SUV39H2: variants seen among roughly 807,000 people sequenced by gnomAD.
SUV39H2 encodes SUV39H2 histone lysine methyltransferase, also known as histone-lysine N-methyltransferase SUV39H2.
SUV39H2 carries 10 observed loss-of-function variants against 47.5 expected under a neutral mutation model. That is an observed-to-expected ratio of 0.21 (90% CI 0.13 to 0.36). SUV39H2 has a LOEUF of 0.36. Ranked by LOEUF, SUV39H2 falls within the 10% of genes least tolerant of loss-of-function variation. The probability of loss-of-function intolerance (pLI) is 1.00; values close to 1 mark genes in which losing one functional copy is unlikely to be tolerated. For missense variants in SUV39H2, 266 were observed against 487.4 expected (o/e 0.55, Z 4.28); for synonymous variants, 159 against 166.8 (o/e 0.95, Z 0.36).
chr10:14,887,363 TG>T (rs1456136654), intron 2 of SUV39H2, among the ~76,000 whole-genome samples: 1 of 152,166 alleles, frequency 6.6e-6, no homozygotes, highest in Non-Finnish European at 1.5e-5. Flanking sequence ...TGGGCAGTGG[TG>T]TAGACAGTAT....
intron 4 of SUV39H2, among the ~76,000 whole-genome samples, 176 bp downstream of exon 4, chr10:14,899,861 T>G (rs1833873832): frequency 6.6e-6 from 1 of 152,234 alleles, no homozygotes; most frequent in African/African-American, 2.4e-5. Context: ...TTAGGAAAAT[T>G]AAACATTGAG....
chr10:14,888,255 G>A (rs988833870), intron 2 of SUV39H2, among the ~76,000 whole-genome samples: 1 of 152,192 alleles, frequency 6.6e-6, no homozygotes, highest in East Asian at 1.9e-4. Context: ...AACAAGGATT[G>A]AGGATGAGCC....
intron 2 of SUV39H2, among the ~76,000 whole-genome samples, chr10:14,886,759 C>T (rs1271018434): frequency 6.6e-6 from 1 of 152,246 alleles, no homozygotes; most frequent in Non-Finnish European, 1.5e-5. Flanking sequence ...AAAGAACTCA[C>T]AGCCTAGTGA....
intron 3 of SUV39H2, chr10:14,899,255 G>T (rs1479465806): frequency 7.1e-6 from 5 of 702,034 alleles, no homozygotes; most frequent in African/African-American, 7.0e-5. Flanking sequence ...AGGAGTTAAA[G>T]GATACAGGGA....
At chr10:14,887,815 A>G (rs1329194694) in intron 2 of SUV39H2, among the ~76,000 whole-genome samples, 1 of 152,220 alleles carries the variant, frequency 6.6e-6, no homozygotes, top group Non-Finnish European at 1.5e-5. Context: ...GTAAGTGTTG[A>G]TGTGACAGAA....
chr10:14,892,918 C>A (rs1833436149), intron 2 of SUV39H2, among the ~76,000 whole-genome samples: 1 of 150,848 alleles, frequency 6.6e-6, no homozygotes, highest in African/African-American at 2.4e-5. Flanking sequence ...CTCCCAGGTT[C>A]AAGCAGTTCT....
chr10:14,894,626 C>A (rs1833506100), intron 2 of SUV39H2, among the ~76,000 whole-genome samples: 1 of 57,560 alleles, frequency 1.7e-5, no homozygotes, highest in Non-Finnish European at 2.9e-5. Flanking sequence ...CTCGGCCTCC[C>A]AAAGTGCTGG....
At chr10:14,883,704 C>CAAAAAAAAAAAAAAAAA (rs58522342) in intron 2 of SUV39H2, among the ~76,000 whole-genome samples, 13 of 50,058 alleles carry the variant, frequency 2.6e-4, no homozygotes, top group African/African-American at 3.8e-4. Context: ...GACTCAGTCT[C>CAAAAAAAAAAAAAAAAA]AAAAAAAAAA....
At chr10:14,890,387 A>G (rs1833350498) in intron 2 of SUV39H2, among the ~76,000 whole-genome samples, 1 of 152,192 alleles carries the variant, frequency 6.6e-6, no homozygotes, top group Non-Finnish European at 1.5e-5. Flanking sequence ...GTGTTTTCAT[A>G]ATCAAATTCC....
intron 2 of SUV39H2, among the ~76,000 whole-genome samples, chr10:14,885,457 G>A (rs1304250975): frequency 6.6e-6 from 1 of 152,064 alleles, no homozygotes; most frequent in Admixed American, 6.6e-5. Context: ...CATTCCTGCT[G>A]TGCTTTCACA....
At chr10:14,883,086 C>G (rs574240437) in intron 2 of SUV39H2, among the ~76,000 whole-genome samples, 12 of 152,066 alleles carry the variant, frequency 7.9e-5, no homozygotes, top group Non-Finnish European at 1.6e-4. Context: ...CCAGGCTGGT[C>G]TCAAACTCCT....
In SUV39H2 at chr10:14,902,716, T is replaced by C; in HGVS notation, c.*204T>C. On this transcript the variant is annotated 3_prime_UTR_variant, in exon 6 of 6. Transcript: ENST00000354919. ...CATAGACTGATATGAAGTCGACATA[T>C]TTATAGTGCTTAGAGACCAAACTAA... 2.5e-6 allele frequency: 1 copy of C among 394,096 alleles called. No homozygotes were observed. Among genetic ancestry groups the C allele is most frequent in the South Asian group, 4.1e-5 (1 of 24,458 alleles). The allele number at this position is 394,096 out of a possible 1,614,324, so 24.4% of individuals were successfully genotyped here. A position where few individuals can be genotyped will look rare whatever the true frequency, so the allele number is the denominator to read the frequency against.
chr10:14,893,351 C>T (rs1387039034), intron 2 of SUV39H2, among the ~76,000 whole-genome samples: 1 of 152,122 alleles, frequency 6.6e-6, no homozygotes, highest in Admixed American at 6.5e-5. Flanking sequence ...CCAGGCTGTT[C>T]TCGAACTCCT....
intron 2 of SUV39H2, among the ~76,000 whole-genome samples, chr10:14,896,379 T>G (rs903270461): frequency 1.3e-5 from 2 of 152,208 alleles, no homozygotes; most frequent in Non-Finnish European, 2.9e-5. Flanking sequence ...GCCCATGATG[T>G]TGAGAAATGA....
At chr10:14,886,358 A>G (rs923185126) in intron 2 of SUV39H2, among the ~76,000 whole-genome samples, 3 of 152,196 alleles carry the variant, frequency 2.0e-5, no homozygotes, top group African/African-American at 4.8e-5. Context: ...TAGTTGATTT[A>G]TGTTCAGGAT....
chr10:14,878,940 C>G lies in SUV39H2; in HGVS notation c.31+21C>G, dbSNP rs192886481. On this transcript the variant is annotated intron_variant, in intron 1 of 5. Coordinates refer to ENST00000354919, the MANE Select transcript of SUV39H2 (RefSeq NM_001193424.2). Reference sequence around the variant, plus strand: ...AGGAGGTGAGGCTGGAGCGCGGCCCCCTCGCCTTCCCTGTTCCCAGGCAAG... The same window carrying G: ...AGGAGGTGAGGCTGGAGCGCGGCCCGCTCGCCTTCCCTGTTCCCAGGCAAG... The G allele has an allele frequency of 3.2e-5, 47 of 1,452,228 alleles. No homozygotes were observed. In the African/African-American group the frequency reaches 6.5e-4, roughly 20 times the overall value. The allele number at this position is 1,452,228 out of a possible 1,614,324, so 90.0% of individuals were successfully genotyped here.
chr10:14,890,846 C>T (rs1349649789), intron 2 of SUV39H2, among the ~76,000 whole-genome samples: 1 of 152,110 alleles, frequency 6.6e-6, no homozygotes, highest in African/African-American at 2.4e-5. Flanking sequence ...ATTGAGAAAC[C>T]GTGAATTGCT....
chr10:14,896,508 T>A (rs1833620997), intron 2 of SUV39H2, among the ~76,000 whole-genome samples: 1 of 152,190 alleles, frequency 6.6e-6, no homozygotes, highest in Non-Finnish European at 1.5e-5. Context: ...ACCATTTATT[T>A]CCATGATCAA....
At chr10:14,888,478 A>G (rs1833282708) in intron 2 of SUV39H2, among the ~76,000 whole-genome samples, 1 of 152,052 alleles carries the variant, frequency 6.6e-6, no homozygotes, top group Admixed American at 6.5e-5. Context: ...TACTAAAAAT[A>G]TAAAAATTAG....
Sources: allele counts gnomAD v4.1 joint callset (sites outside exome capture counted in the v4.1 genomes callset), GRCh38; gene constraint gnomAD v4.1.1; transcripts MANE v1.5; gene names NCBI Gene and HGNC (gene_info 2026-07-23, HGNC 2026-07-21).